DENND6A: variants seen among roughly 807,000 people sequenced by gnomAD.
The protein encoded by DENND6A is protein DENND6A.
A neutral mutation model predicts 95.5 loss-of-function variants in DENND6A; 43 were observed. The observed-to-expected ratio is 0.45, with a 90% CI of 0.35 to 0.58. The LOEUF (loss-of-function observed/expected upper bound fraction) is 0.58, where lower values mean the gene tolerates loss of function less well. Ranked by LOEUF, DENND6A falls within the 20% of genes least tolerant of loss-of-function variation. The pLI is 0.00. For missense variants in DENND6A, 574 were observed against 736.0 expected, an observed-to-expected ratio of 0.78 and a Z score of 2.55; for synonymous variants, 257 against 260.4, an observed-to-expected ratio of 0.99 and a Z score of 0.13.
chr3:57,636,235 G>C (rs764653418), intron 12 of DENND6A, among the ~76,000 whole-genome samples: 1 of 152,150 alleles, frequency 6.6e-6, no homozygotes, highest in Non-Finnish European at 1.5e-5. Flanking sequence ...CAGTTTTGCA[G>C]AGAAGCTGCC....
chr3:57,680,958 T>C (rs2077158681), intron 1 of DENND6A, among the ~76,000 whole-genome samples: 2 of 152,110 alleles, frequency 1.3e-5, no homozygotes, highest in African/African-American at 2.4e-5. Context: ...CATATATCAG[T>C]AGTGGAAAAC....
intron 18 of DENND6A, among the ~76,000 whole-genome samples, chr3:57,629,967 G>T (rs1307884910): frequency 6.6e-6 from 1 of 152,192 alleles, no homozygotes; most frequent in Non-Finnish European, 1.5e-5. Context: ...TTCTCCAAAA[G>T]AGGTCTCTGG....
intron 3 of DENND6A, among the ~76,000 whole-genome samples, chr3:57,666,943 A>C (rs1052625151): frequency 6.6e-6 from 1 of 152,262 alleles, no homozygotes; most frequent in African/African-American, 2.4e-5. Flanking sequence ...TGAGCACCAT[A>C]GCTTTCTGAT....
intron 9 of DENND6A, among the ~76,000 whole-genome samples, chr3:57,651,059 C>T (rs963888409): frequency 2.6e-5 from 4 of 152,150 alleles, no homozygotes; most frequent in Non-Finnish European, 5.9e-5. Context: ...GCTTGGATTA[C>T]AGGCGTGAGC....
At chr3:57,669,607 C>T (rs1189675976) in intron 3 of DENND6A, among the ~76,000 whole-genome samples, 5 of 150,562 alleles carry the variant, frequency 3.3e-5, no homozygotes, top group Non-Finnish European at 5.9e-5. Flanking sequence ...CCCAGCTACT[C>T]GGGAGGCTGA....
At chr3:57,640,352 G>A (rs2070901651) in intron 12 of DENND6A, among the ~76,000 whole-genome samples, 1 of 151,972 alleles carries the variant, frequency 6.6e-6, no homozygotes. Flanking sequence ...CAGCACTTTG[G>A]GAGGCCAAGG....
chr3:57,641,835 T>A, intron 11 of DENND6A, 88 bp from the exon 12 acceptor site: 2 of 1,067,340 alleles, frequency 1.9e-6, no homozygotes, highest in East Asian at 2.5e-5. Flanking sequence ...TTTTTTTCAA[T>A]GAACAATACA....
chr3:57,673,447 G>T (rs7433968), intron 1 of DENND6A, among the ~76,000 whole-genome samples: 5 of 151,856 alleles, frequency 3.3e-5, no homozygotes, highest in Non-Finnish European at 1.5e-5. Context: ...TGAGAGGGGG[G>T]AATAAAGAAC....
chr3:57,641,796 A>C, intron 11 of DENND6A, 49 bp from the exon 12 acceptor site: 1 of 1,477,394 alleles, frequency 6.8e-7, no homozygotes, highest in Non-Finnish European at 9.4e-7. Context: ...AAAAAGATGA[A>C]TGCTAAATCA....
intron 12 of DENND6A, among the ~76,000 whole-genome samples, chr3:57,637,780 G>C (rs1185077272): frequency 1.5e-5 from 2 of 135,962 alleles, no homozygotes; most frequent in Non-Finnish European, 3.2e-5. Flanking sequence ...AAAAAAAAAA[G>C]CAGAAGAAAA....
intron 1 of DENND6A, among the ~76,000 whole-genome samples, chr3:57,674,958 AC>A (rs1379902559): frequency 1.3e-5 from 2 of 152,178 alleles, no homozygotes; most frequent in African/African-American, 4.8e-5. Context: ...GAAACAACAG[AC>A]ACTGGGGTCT....
chr3:57,646,587 G>A (rs2071085448), intron 9 of DENND6A, 149 bp from the exon 10 acceptor site: 5 of 1,187,154 alleles, frequency 4.2e-6, no homozygotes, highest in Admixed American at 6.5e-5. Context: ...TTTAGAATAT[G>A]GTGATGTATA....
At chr3:57,658,840 G>C (rs1367100890) in intron 8 of DENND6A, among the ~76,000 whole-genome samples, 1 of 152,048 alleles carries the variant, frequency 6.6e-6, no homozygotes, top group Non-Finnish European at 1.5e-5. Flanking sequence ...GGTTCTGCCA[G>C]AATCAAAGCT....
intron 11 of DENND6A, among the ~76,000 whole-genome samples, chr3:57,643,230 G>C (rs574574285): frequency 6.6e-6 from 1 of 152,208 alleles, no homozygotes; most frequent in African/African-American, 2.4e-5. Context: ...TTACAAAGGA[G>C]AAATTTATGA....
chr3:57,631,072 T>A, intron 15 of DENND6A, 94 bp from the exon 16 acceptor site: 1 of 1,146,490 alleles, frequency 8.7e-7, no homozygotes, highest in Non-Finnish European at 1.3e-6. Context: ...TTTTTAATCA[T>A]ATGCCCTTTC....
At chr3:57,631,219 CAG>C (rs2070663780) in intron 15 of DENND6A, 2 of 457,008 alleles carry the variant, frequency 4.4e-6, no homozygotes, top group South Asian at 2.7e-5. Context: ...TTTTTTGAGA[CAG>C]AGCCTTGTTC....
chr3:57,637,842 C>T (rs1158678703), intron 12 of DENND6A, among the ~76,000 whole-genome samples: 1 of 150,438 alleles, frequency 6.6e-6, no homozygotes, highest in Non-Finnish European at 1.5e-5. Context: ...AAATTATAAA[C>T]TCCTGTGCAC....
chr3:57,649,530 T>TAAA lies in DENND6A; in HGVS notation c.819-3095_819-3093dup, dbSNP rs11373872. On this transcript the variant is annotated intron_variant, in intron 9 of 19. Transcript: ENST00000311128. The stretch of plus-strand genomic sequence containing the variant: ...TATCTACCCAGAGGAAAGGAAGTCA[T>TAAA]AAAAAAAAAAAAAAGATTCTTGCAC... Among the ~76,000 whole-genome samples the TAAA allele has an allele frequency of 5.0e-5, 7 of 139,152 alleles. No individual in the cohort carries two copies. The South Asian group carries it at 6.7e-4, about 13-fold the overall frequency. The allele number at this position is 139,152 out of a possible 152,430, so 91.3% of individuals were successfully genotyped here.
intron 9 of DENND6A, among the ~76,000 whole-genome samples, chr3:57,649,957 C>T (rs1161651243): frequency 6.6e-6 from 1 of 151,230 alleles, no homozygotes; most frequent in Non-Finnish European, 1.5e-5. Flanking sequence ...GAATACTACT[C>T]AGCCATAAAA....
Sources: gnomAD v4.1 joint callset for allele counts (sites outside exome capture counted in the v4.1 genomes callset) on GRCh38, gnomAD v4.1.1 for gene constraint, MANE v1.5 for transcripts, NCBI Gene and HGNC (gene_info 2026-07-23, HGNC 2026-07-21) for gene names.